The following KDM7A variants were observed in gnomAD, a reference collection of about 807,000 sequenced individuals.
KDM7A encodes the protein lysine demethylase 7A.
A neutral mutation model predicts 114.8 loss-of-function variants in KDM7A; 28 were observed. That is an observed-to-expected ratio of 0.24 (90% CI 0.18 to 0.33). KDM7A has a LOEUF of 0.33. Among genes scored for constraint, KDM7A ranks in the 10% least tolerant of loss-of-function variants. The probability of loss-of-function intolerance (pLI) is 1.00; values close to 1 mark genes in which losing one functional copy is unlikely to be tolerated. For missense variants in KDM7A, 942 were observed against 1,142.5 expected (o/e 0.82, Z 2.53); for synonymous variants, 423 against 397.8 (o/e 1.06, Z -0.75).
intron 8 of KDM7A, 53 bp downstream of exon 8, chr7:140,120,365 ATTTTTTTTAAGTTAAAAAAAAAAG>A (rs1818599038): frequency 1.2e-6 from 1 of 816,406 alleles, no homozygotes; most frequent in Non-Finnish European, 2.1e-6. Flanking sequence ...TAAGCTATTG[ATTTTTTTTAAGTTAAAAAAAAAAG>A]TATCCTATTT....
At chr7:140,159,751 C>G (rs191301829) in intron 1 of KDM7A, among the ~76,000 whole-genome samples, 180 of 152,124 alleles carry the variant, frequency 1.2e-3, no homozygotes, top group African/African-American at 3.5e-3. Flanking sequence ...ACCTCAGGAC[C>G]CATATAACCA....
chr7:140,143,820 T>C (rs1794311445), intron 1 of KDM7A, among the ~76,000 whole-genome samples: 2 of 152,222 alleles, frequency 1.3e-5, no homozygotes, highest in South Asian at 2.1e-4. Context: ...AATCAAGCTA[T>C]TACACTTTGC....
At chr7:140,129,231 CAAGT>C (rs1818750932) in intron 4 of KDM7A, among the ~76,000 whole-genome samples, 1 of 152,126 alleles carries the variant, frequency 6.6e-6, no homozygotes, top group Admixed American at 6.5e-5. Context: ...TTTCCCTAAG[CAAGT>C]ATCAGAGAAC....
chr7:140,141,206 T>C (rs1358300217), intron 1 of KDM7A, among the ~76,000 whole-genome samples: 1 of 152,202 alleles, frequency 6.6e-6, no homozygotes, highest in Non-Finnish European at 1.5e-5. Context: ...AATGTAAAGA[T>C]ATTAATTAAT....
chr7:140,176,857 G>A lies in KDM7A; in HGVS notation c.81C>T (p.Gly27=). Residue 27 remains glycine (G), a synonymous_variant, in exon 1 of 20, where the codon GGC becomes GGT. Coordinates refer to ENST00000397560, the MANE Select transcript of KDM7A (RefSeq NM_030647.2). The surrounding 1 kb of genome is among the most constrained non-coding windows in gnomAD (Gnocchi z 4.4). ...AAAAVSVAAP[G]RASAPPPPPP... is the part of the protein sequence containing the mutation. ...GGGGCGGCGGAGGCGCCGAGGCCCG[G>A]CCGGGAGCCGCCACCGACACGGCTG... The A allele has an allele frequency of 7.8e-7, 1 of 1,280,700 alleles. No homozygotes were observed. The highest frequency in any genetic ancestry group is 1.0e-6 in the Non-Finnish European group (1 of 1,000,018). The allele number at this position is 1,280,700 out of a possible 1,614,324, so 79.3% of individuals were successfully genotyped here.
intron 1 of KDM7A, among the ~76,000 whole-genome samples, chr7:140,166,083 G>C (rs924467180): frequency 1.3e-5 from 2 of 152,022 alleles, no homozygotes; most frequent in Non-Finnish European, 2.9e-5. Flanking sequence ...TTTGTCATGG[G>C]TATGTATATA....
At chr7:140,110,145 A>ATTT (rs1818409093) in intron 11 of KDM7A, among the ~76,000 whole-genome samples, 1 of 151,898 alleles carries the variant, frequency 6.6e-6, no homozygotes, top group Admixed American at 6.6e-5. Flanking sequence ...ACTCCCATTT[A>ATTT]ACTACTGTTT....
At chr7:140,136,509 G>A (rs537533333) in intron 2 of KDM7A, among the ~76,000 whole-genome samples, 11 of 152,314 alleles carry the variant, frequency 7.2e-5, no homozygotes, top group Non-Finnish European at 1.3e-4. Flanking sequence ...TGTTTGGATT[G>A]CATGTGCCTA....
Position 140,171,064 on chromosome 7 carries a change from CCAACAACAA to C in KDM7A, c.194+5671_194+5679del, listed in dbSNP as rs71520073. Among the ~76,000 whole-genome samples the C allele has an allele frequency of 4.4e-4, 66 of 150,298 alleles. 1 individual carries two copies. The Middle Eastern group carries it at 0.017, about 39-fold the overall frequency. ...GGTAATGTACTGAGACCCCCATCCC[CCAACAACAA>C]CAACAACAACAACAACAACAAAAGA... On this transcript the variant is annotated intron_variant, in intron 1 of 19. Coordinates refer to ENST00000397560, the MANE Select transcript of KDM7A (RefSeq NM_030647.2).
chr7:140,096,968 T>A lies in KDM7A; in HGVS notation c.2096A>T (p.Glu699Val). The change falls in exon 16 of 20, where the codon GAA becomes GTA. Residue 699 changes from glutamate to valine, a missense_variant. By Grantham distance (121) the Glu-to-Val change is moderately radical (BLOSUM62 -2). Around this residue, in one of 4 missense-constraint regions of KDM7A, gnomAD observed 512 missense variants for 576.6 expected, o/e 0.89. Transcript: ENST00000397560. The part of the protein sequence containing the change: ...KQEITSNFKE[E>V]SNVMRNFLQK... ...AAGGAAGTTCCTCATCACATTAGAT[T>A]CCTCCTTAAAGTTGGATGTTATTTC... is the stretch of plus-strand genomic sequence containing the variant. 6.2e-7 allele frequency: 1 copy of A among 1,613,290 alleles called. No individual in the cohort carries two copies. Among genetic ancestry groups the A allele is most frequent in the Non-Finnish European group, 8.5e-7 (1 of 1,179,306 alleles).
chr7:140,099,123 T>C, intron 13 of KDM7A, 90 bp from the exon 14 acceptor site: 1 of 976,464 alleles, frequency 1.0e-6, no homozygotes, highest in Non-Finnish European at 1.5e-6. Flanking sequence ...TTACAAAGAG[T>C]AGAGAATTGA....
chr7:140,088,832 C>A lies in KDM7A; in HGVS notation c.*2262G>T. ...AGCCTAAGGACACAGTGGATACTGG[C>A]CACAATTTTAATTCATAAAAATAAA... is the stretch of plus-strand genomic sequence containing the variant. On this transcript the variant is annotated 3_prime_UTR_variant, in exon 20 of 20. Transcript: ENST00000397560. 1 of 280,682 alleles carries A rather than the reference C, an allele frequency of 3.6e-6. No homozygotes were observed. The highest frequency in any genetic ancestry group is 6.5e-6 in the Non-Finnish European group (1 of 153,004). The allele number at this position is 280,682 out of a possible 1,614,324, so 17.4% of individuals were successfully genotyped here.
intron 1 of KDM7A, among the ~76,000 whole-genome samples, chr7:140,156,200 T>C (rs1326131219): frequency 2.0e-5 from 3 of 152,212 alleles, no homozygotes; most frequent in African/African-American, 7.2e-5. Context: ...TTTTTGAAGG[T>C]AGCAGGACCA....
intron 11 of KDM7A, among the ~76,000 whole-genome samples, chr7:140,108,027 T>G (rs1473289710): frequency 2.0e-5 from 3 of 152,240 alleles, no homozygotes; most frequent in African/African-American, 7.2e-5. Flanking sequence ...TCATTTGATC[T>G]TCAATCACTG....
chr7:140,165,712 G>A (rs1441377004), intron 1 of KDM7A, among the ~76,000 whole-genome samples: 1 of 152,134 alleles, frequency 6.6e-6, no homozygotes, highest in African/African-American at 2.4e-5. Flanking sequence ...ATCAATGCTT[G>A]TGTTCAGCTA....
chr7:140,139,927 G>A (rs1393716473), intron 1 of KDM7A, among the ~76,000 whole-genome samples: 2 of 152,074 alleles, frequency 1.3e-5, no homozygotes, highest in Admixed American at 6.6e-5. Flanking sequence ...ATTAGATATG[G>A]GCAAACCTGA....
chr7:140,147,733 T>A (rs1394748537), intron 1 of KDM7A, among the ~76,000 whole-genome samples: 2 of 152,212 alleles, frequency 1.3e-5, no homozygotes, highest in African/African-American at 4.8e-5. Context: ...ATCTTGATTC[T>A]GGGGTCAGTT....
Position 140,129,499 on chromosome 7 carries a change from A to C in KDM7A, c.553T>G (p.Tyr185Asp). Reference protein sequence around the residue: ...PTFSVMDVERYVGGDKVIDVI... With the variant: ...PTFSVMDVERDVGGDKVIDVI... ...AAAGAAATAAAGTTCGTACCTACAT[A>C]ACGTTCCACATCCATCACAGAAAAT... is the stretch of plus-strand genomic sequence containing the variant. The change falls in exon 4 of 20, where the codon TAT (tyrosine) becomes GAT (aspartate). Residue 185 changes from tyrosine (Y) to aspartate (D), a missense_variant. By Grantham distance (160) the Tyr-to-Asp change is radical. Around this residue, in one of 4 missense-constraint regions of KDM7A, gnomAD observed 318 missense variants for 453.1 expected, o/e 0.70. Transcript: ENST00000397560. 1 of 1,612,974 alleles carries C rather than the reference A, an allele frequency of 6.2e-7. No individual in the cohort carries two copies. The highest frequency in any genetic ancestry group is 8.5e-7 in the Non-Finnish European group (1 of 1,179,174).
intron 1 of KDM7A, among the ~76,000 whole-genome samples, chr7:140,146,574 C>G (rs889924985): frequency 1.3e-5 from 2 of 152,206 alleles, no homozygotes; most frequent in African/African-American, 4.8e-5. Flanking sequence ...GTAAAACTTT[C>G]CTTCATATAT....
Sources: gnomAD v4.1 joint callset for allele counts (sites outside exome capture counted in the v4.1 genomes callset) on GRCh38, gnomAD v4.1.1 for gene constraint, gnomAD v4.1.1 regional missense constraint, Gnocchi (gnomAD v3.1) non-coding constraint, MANE v1.5 for transcripts, NCBI Gene and HGNC (gene_info 2026-07-23, HGNC 2026-07-21) for gene names.